Variants in EPDR1 observed in about 807,000 individuals in gnomAD.
EPDR1 encodes the protein mammalian ependymin-related protein 1.
A neutral mutation model predicts 23.7 loss-of-function variants in EPDR1; 27 were observed. That is an observed-to-expected ratio of 1.14 (90% CI 0.84 to 1.57). The LOEUF is 1.57. EPDR1 is among the 40% of genes most tolerant of loss of function. The pLI, the probability that EPDR1 is intolerant of heterozygous loss-of-function variation, is 0.00. For synonymous variants in EPDR1, 137 were observed against 118.2 expected (o/e 1.16, Z -1.03); for missense variants, 349 against 290.4 (o/e 1.20, Z -1.47).
chr7:37,936,647 A>G (rs963925574), intron 1 of EPDR1, among the ~76,000 whole-genome samples: 3 of 152,176 alleles, frequency 2.0e-5, no homozygotes, highest in African/African-American at 7.2e-5. Flanking sequence ...TGAAAAATCA[A>G]TAGTCTTCAT....
At chr7:37,942,508 G>A (rs1277790797) in intron 1 of EPDR1, among the ~76,000 whole-genome samples, 1 of 152,118 alleles carries the variant, frequency 6.6e-6, no homozygotes, top group Non-Finnish European at 1.5e-5. Context: ...GGAGACTGAT[G>A]TACCACAATG....
intron 1 of EPDR1, among the ~76,000 whole-genome samples, chr7:37,944,387 T>C (rs1389509490): frequency 6.6e-6 from 1 of 152,252 alleles, no homozygotes; most frequent in Non-Finnish European, 1.5e-5. Flanking sequence ...GTCTCCTCTC[T>C]GGTCTAGTAA....
chr7:37,935,651 C>A (rs568328231), intron 1 of EPDR1, among the ~76,000 whole-genome samples: 24 of 151,980 alleles, frequency 1.6e-4, no homozygotes, highest in African/African-American at 5.8e-4. Flanking sequence ...AAACCTTATG[C>A]CAAATTAAGA....
intron 1 of EPDR1, chr7:37,926,719 G>A: frequency 2.2e-6 from 1 of 453,004 alleles, no homozygotes; most frequent in Non-Finnish European, 4.5e-6. Context: ...TGTTCCAATT[G>A]CATCCTGATG....
intron 1 of EPDR1, among the ~76,000 whole-genome samples, chr7:37,946,028 ATCCATG>A (rs1481449928): frequency 1.3e-5 from 2 of 152,194 alleles, no homozygotes; most frequent in Non-Finnish European, 2.9e-5. Flanking sequence ...TTCCAACTCC[ATCCATG>A]TCCCTGCAAA....
At chr7:37,948,342 ATTT>A (rs56967310) in intron 1 of EPDR1, among the ~76,000 whole-genome samples, 144 of 135,580 alleles carry the variant, frequency 1.1e-3, no homozygotes, top group African/African-American at 1.3e-3. Flanking sequence ...TTTGACCTCA[ATTT>A]TTTTTTTTTT....
chr7:37,931,037 A>C (rs1162736810), intron 1 of EPDR1, among the ~76,000 whole-genome samples: 3 of 147,178 alleles, frequency 2.0e-5, no homozygotes, highest in African/African-American at 7.6e-5. Flanking sequence ...TGTTTTAGTC[A>C]GCTAGAGAAA....
At chr7:37,950,173 T>C (rs1450851) in intron 2 of EPDR1, 27 bp from the exon 3 acceptor site, 993,757 of 1,542,734 alleles carry the variant, frequency 0.64, 324,120 homozygotes, top group African/African-American at 0.81. Flanking sequence ...CTTCTTTATT[T>C]AAAAGTCAAC....
chr7:37,925,230 A>T (rs1209051778), intron 1 of EPDR1, among the ~76,000 whole-genome samples: 1 of 152,240 alleles, frequency 6.6e-6, no homozygotes, highest in African/African-American at 2.4e-5. Context: ...TTTATAGGGG[A>T]AGCAGCGTTG....
chr7:37,940,545 C>A (rs1347448294), intron 1 of EPDR1, among the ~76,000 whole-genome samples: 2 of 152,108 alleles, frequency 1.3e-5, no homozygotes, highest in African/African-American at 4.8e-5. Flanking sequence ...ACTCTCGATA[C>A]TAGGGAATTA....
intron 1 of EPDR1, among the ~76,000 whole-genome samples, chr7:37,944,318 A>C (rs1323267002): frequency 6.6e-6 from 1 of 152,200 alleles, no homozygotes; most frequent in African/African-American, 2.4e-5. Flanking sequence ...CAGCCACATA[A>C]GAGGCTGACT....
intron 1 of EPDR1, among the ~76,000 whole-genome samples, chr7:37,931,988 G>A (rs1173700207): frequency 2.0e-5 from 3 of 152,130 alleles, no homozygotes; most frequent in African/African-American, 4.8e-5. Flanking sequence ...GATTACACGC[G>A]TGAGCCACCG....
chr7:37,927,375 G>GT (rs139567755), intron 1 of EPDR1, among the ~76,000 whole-genome samples: 49 of 150,750 alleles, frequency 3.3e-4, no homozygotes, highest in Admixed American at 1.7e-3. Context: ...GTTCATTCTA[G>GT]TTTTTTTTTT....
chr7:37,933,311 A>G (rs1406557648), intron 1 of EPDR1, among the ~76,000 whole-genome samples: 1 of 152,214 alleles, frequency 6.6e-6, no homozygotes, highest in East Asian at 1.9e-4. Flanking sequence ...TGTAATCACA[A>G]TATAATATTT....
chr7:37,940,992 T>A (rs781224272), intron 1 of EPDR1, among the ~76,000 whole-genome samples: 1 of 152,180 alleles, frequency 6.6e-6, no homozygotes, highest in African/African-American at 2.4e-5. Flanking sequence ...CTGTGCCACC[T>A]TGTGTCGTAG....
chr7:37,940,965 G>C (rs961407035), intron 1 of EPDR1, among the ~76,000 whole-genome samples: 5 of 152,096 alleles, frequency 3.3e-5, no homozygotes, highest in African/African-American at 1.2e-4. Context: ...CTGGGACAGG[G>C]AAAGTCCAAG....
intron 1 of EPDR1, among the ~76,000 whole-genome samples, chr7:37,944,717 G>T (rs778101717): frequency 3.3e-5 from 5 of 152,236 alleles, no homozygotes; most frequent in Non-Finnish European, 7.4e-5. Context: ...CTCCCCCCAG[G>T]TCCCTCCCAT....
intron 1 of EPDR1, among the ~76,000 whole-genome samples, chr7:37,947,426 G>A (rs1786298662): frequency 6.6e-6 from 1 of 152,162 alleles, no homozygotes; most frequent in African/African-American, 2.4e-5. Flanking sequence ...CAGAACATAA[G>A]CCTATCATGA....
At chr7:37,948,248 A>G (rs1786320865) in intron 1 of EPDR1, among the ~76,000 whole-genome samples, 1 of 152,074 alleles carries the variant, frequency 6.6e-6, no homozygotes, top group African/African-American at 2.4e-5. Context: ...AGCCGGAGCC[A>G]TATCTTCCCC....
Sources: gnomAD v4.1 joint callset for allele counts (sites outside exome capture counted in the v4.1 genomes callset) on GRCh38, gnomAD v4.1.1 for gene constraint, MANE v1.5 for transcripts, NCBI Gene and HGNC (gene_info 2026-07-23, HGNC 2026-07-21) for gene names.